Variants in TLN1 observed in about 807,000 individuals in gnomAD.
The protein encoded by TLN1 is talin-1.
A neutral mutation model predicts 292.3 loss-of-function variants in TLN1; 56 were observed. The ratio of observed to expected loss-of-function variants is 0.19; its 90% CI spans 0.15 to 0.24. The LOEUF (loss-of-function observed/expected upper bound fraction) is 0.24, where lower values mean the gene tolerates loss of function less well. TLN1 is among the 10% of genes least tolerant of loss of function. The probability of loss-of-function intolerance (pLI) is 1.00; values close to 1 mark genes in which losing one functional copy is unlikely to be tolerated. For missense variants in TLN1, 2,433 were observed against 3,248.2 expected, an observed-to-expected ratio of 0.75 and a Z score of 6.10; for synonymous variants, 1,119 against 1,253.7, an observed-to-expected ratio of 0.89 and a Z score of 2.27.
In TLN1 at chr9:35,724,627, C is replaced by T. The variant is rs752491649; in HGVS notation, c.456G>A (p.Leu152=). Residue 152 remains leucine, a synonymous_variant, in exon 5 of 57, where the codon CTG becomes CTA. Transcript: ENST00000314888. This position sits in a 1 kb window ranked among gnomAD's most constrained non-coding sequence, Gnocchi z 4.7. ...GTTTCTCCATCTTCTTTTCATCTCG[C>T]AGCAATGTCTTGTCCTTTCTTAAGG... ...TGTLRKDKTL[L]RDEKKMEKLK... 1 of 1,614,204 alleles carries T rather than the reference C, an allele frequency of 6.2e-7. No homozygotes were observed. Among genetic ancestry groups the T allele is most frequent in the South Asian group, 1.1e-5 (1 of 91,074 alleles).
At chr9:35,709,296 AAAAC>A (rs969004847) in intron 33 of TLN1, among the ~76,000 whole-genome samples, 3 of 152,100 alleles carry the variant, frequency 2.0e-5, no homozygotes, top group Non-Finnish European at 2.9e-5. Context: ...TCCGTCTCAA[AAAAC>A]AAACAAACAA....
chr9:35,710,008 G>A (rs1302954145), intron 33 of TLN1, among the ~76,000 whole-genome samples: 3 of 144,448 alleles, frequency 2.1e-5, no homozygotes, highest in South Asian at 4.4e-4. Flanking sequence ...TCAGGATATC[G>A]AGACCATCCT....
In TLN1 at chr9:35,706,884, G is replaced by T. The variant is rs879215147; in HGVS notation, c.4972C>A (p.Gln1658Lys). The T allele has an allele frequency of 1.9e-6, 3 of 1,613,940 alleles. No individual in the cohort carries two copies. The highest frequency in any genetic ancestry group is 2.2e-5 in the South Asian group (2 of 91,080). Reference protein sequence around the residue: ...ITSMRDKAPGQLECETAIAAL... With the variant: ...ITSMRDKAPGKLECETAIAAL... ...GCAATGGCCGTTTCACACTCCAGCT[G>T]CCCTGGAGCCTTGTCCCTGCAGACA... is the stretch of plus-strand genomic sequence containing the variant. Residue 1658 changes from glutamine to lysine, a missense_variant, in exon 38 of 57, where the codon CAG becomes AAG. Physicochemically the swap from Gln to Lys is moderately conservative, Grantham distance 53. Around this residue, in one of 7 missense-constraint regions of TLN1, gnomAD observed 1,384 missense variants for 1,699.6 expected, o/e 0.81. Transcript: ENST00000314888. This position sits in a 1 kb window ranked among gnomAD's most constrained non-coding sequence, Gnocchi z 4.2.
At position 35,717,383 on chromosome 9, in the gene TLN1, G is replaced by A. The variant is rs1825805750; in HGVS notation, c.2221C>T (p.Arg741Ter). 1 of 1,614,174 alleles carries A rather than the reference G, an allele frequency of 6.2e-7. No homozygotes were observed. Among genetic ancestry groups the A allele is most frequent in the Non-Finnish European group, 8.5e-7 (1 of 1,180,034 alleles). The change falls in exon 19 of 57, where the codon CGA becomes TGA. Residue 741 changes from arginine (R) to a stop codon, truncating the protein, a stop_gained. Coordinates refer to ENST00000314888, the MANE Select transcript of TLN1 (RefSeq NM_006289.4). LOFTEE classifies it high-confidence loss of function. The surrounding 1 kb of genome is among the most constrained non-coding windows in gnomAD (Gnocchi z 4.7). ...VCQEQLVEAG[R>*]LVAKAVEGCV... ...CCCTCCACGGCTTTGGCTACCAGTC[G>A]TCCAGCCTCCACCAGTTGCTCTTGG... is the stretch of plus-strand genomic sequence containing the variant.
In TLN1 at chr9:35,700,036, C is replaced by G; in HGVS notation, c.6706G>C (p.Ala2236Pro). ...GCACACTCCCGGCCATAGTGCAGGGCTCGAAGCCGCACATCAGGGGCCACT... is the reference window on the plus strand; with the variant it reads ...GCACACTCCCGGCCATAGTGCAGGGGTCGAAGCCGCACATCAGGGGCCACT... ...PEVAPDVRLR[A>P]LHYGRECANG... The change falls in exon 50 of 57, where the codon GCC becomes CCC. Residue 2236 changes from alanine (A) to proline (P), a missense_variant. Coordinates refer to ENST00000314888, the MANE Select transcript of TLN1 (RefSeq NM_006289.4). 6.2e-7 allele frequency: 1 copy of G among 1,613,518 alleles called. No homozygotes were observed. Among genetic ancestry groups the G allele is most frequent in the Non-Finnish European group, 8.5e-7 (1 of 1,179,642 alleles).
At position 35,716,370 on chromosome 9, in the gene TLN1, G is replaced by T; in HGVS notation, c.2625+20C>A. On this transcript the variant is annotated intron_variant, in intron 20 of 56. Transcript: ENST00000314888. ...TCCCTCTAGGGTCCAGTCTGGGAGT[G>T]TGCACAGAAGGCTTTGTACCTTGGC... is the stretch of plus-strand genomic sequence containing the variant. The T allele has an allele frequency of 2.5e-6, 4 of 1,613,868 alleles. No homozygotes were observed. Among genetic ancestry groups the T allele is most frequent in the South Asian group, 2.2e-5 (2 of 91,058 alleles).
At chr9:35,711,136 C>T (rs1278000603) in intron 30 of TLN1, 54 bp from the exon 31 acceptor site, 1 of 1,610,816 alleles carries the variant, frequency 6.2e-7, no homozygotes, top group African/African-American at 1.3e-5. Context: ...ATTCCTGGGT[C>T]CTATGTAAGT....
At chr9:35,726,666 T>C (rs965879971) in intron 1 of TLN1, among the ~76,000 whole-genome samples, 10 of 152,256 alleles carry the variant, frequency 6.6e-5, no homozygotes, top group Non-Finnish European at 1.3e-4. Context: ...AGCTTTTTTC[T>C]AACCTGAGAT....
chr9:35,720,139 G>A lies in TLN1; in HGVS notation c.1364C>T (p.Ser455Phe). 6.2e-7 allele frequency: 1 copy of A among 1,612,898 alleles called. No individual in the cohort carries two copies. Among genetic ancestry groups the A allele is most frequent in the Non-Finnish European group, 8.5e-7 (1 of 1,179,508 alleles). Residue 455 changes from serine (S) to phenylalanine (F), a missense_variant, in exon 13 of 57, where the codon TCT becomes TTT. Ser to Phe is a radical substitution (Grantham distance 155). Transcript: ENST00000314888. The stretch of plus-strand genomic sequence containing the variant: ...GAAATTCTCAGGACCAGAGGCTCCA[G>A]AGCGCATGATGGCAGGCAGGGCCAC... ...GSVALPAIMR[S>F]GASGPENFQV... is the part of the protein sequence containing the mutation.
Position 35,707,374 on chromosome 9 carries a change from T to C in TLN1, c.4747A>G (p.Ser1583Gly). Residue 1583 changes from serine to glycine, a missense_variant, in exon 36 of 57, where the codon AGC becomes GGC. By Grantham distance (56) the Ser-to-Gly change is moderately conservative. This residue lies in a region of TLN1 where 1,384 missense variants were observed against 1,699.6 expected (regional missense o/e 0.81). Transcript: ENST00000314888. The surrounding 1 kb of genome is among the most constrained non-coding windows in gnomAD (Gnocchi z 5.6). ...SAFASNPEFSSIPAQISPEGR... is the reference protein window; with the variant it reads ...SAFASNPEFSGIPAQISPEGR... ...TCAGGGCTGATCTGGGCAGGAATGC[T>C]GGAGAACTCAGGGTTGGACGCAAAG... The C allele has an allele frequency of 6.2e-7, 1 of 1,614,160 alleles. No individual in the cohort carries two copies. The highest frequency in any genetic ancestry group is 1.1e-5 in the South Asian group (1 of 91,084).
Position 35,716,497 on chromosome 9 carries a change from T to C in TLN1, c.2518A>G (p.Ile840Val). Residue 840 changes from isoleucine (I) to valine (V), a missense_variant, in exon 20 of 57, where the codon ATC (isoleucine) becomes GTC (valine). By Grantham distance (29) the Ile-to-Val change is conservative. Coordinates refer to ENST00000314888, the MANE Select transcript of TLN1 (RefSeq NM_006289.4). ...CTTTCCCCCTCAGCATCAGCCTTGA[T>C]GGCATTGACCAGGTCAGATGTGGCT... Reference protein sequence around the residue: ...AQATSDLVNAIKADAEGESDL... With the variant: ...AQATSDLVNAVKADAEGESDL... The C allele has an allele frequency of 1.2e-6, 2 of 1,614,228 alleles. No individual in the cohort carries two copies. Among genetic ancestry groups the C allele is most frequent in the Non-Finnish European group, 1.7e-6 (2 of 1,180,046 alleles).
Position 35,707,384 on chromosome 9 carries a change from A to G in TLN1, c.4737T>C (p.Pro1579=). The G allele has an allele frequency of 6.2e-7, 1 of 1,614,126 alleles. No individual in the cohort carries two copies. Among genetic ancestry groups the G allele is most frequent in the Non-Finnish European group, 8.5e-7 (1 of 1,180,030 alleles). ...VDNLSAFASN[P]EFSSIPAQIS... The stretch of plus-strand genomic sequence containing the variant: ...TCTGGGCAGGAATGCTGGAGAACTC[A>G]GGGTTGGACGCAAAGGCACTCAGAT... The change falls in exon 36 of 57, where the codon CCT becomes CCC. Residue 1579 remains proline (P), a synonymous_variant. Transcript: ENST00000314888. This position sits in a 1 kb window ranked among gnomAD's most constrained non-coding sequence, Gnocchi z 5.6.
chr9:35,715,478 T>A (rs1206417860), intron 20 of TLN1, among the ~76,000 whole-genome samples: 1 of 152,236 alleles, frequency 6.6e-6, no homozygotes, highest in Non-Finnish European at 1.5e-5. Context: ...TAGGGCTTCC[T>A]GGACAAAGGA....
Position 35,697,727 on chromosome 9 carries a change from G to A in TLN1, c.*64C>T, listed in dbSNP as rs1825391426. 2.5e-6 allele frequency: 4 copies of A among 1,591,630 alleles called. No individual in the cohort carries two copies. The South Asian group carries it at 4.5e-5, about 18-fold the overall frequency. ...GGGCAGGTTGGGCCCCGACAGCCCA[G>A]AAGGCTTTGGTAGTGGCACGCACAG... is the stretch of plus-strand genomic sequence containing the variant. On this transcript the variant is annotated 3_prime_UTR_variant, in exon 57 of 57. Coordinates refer to ENST00000314888, the MANE Select transcript of TLN1 (RefSeq NM_006289.4).
At chr9:35,716,610 G>GGGTGGGGACAAA in intron 19 of TLN1, 54 bp from the exon 20 acceptor site, 2 of 1,590,208 alleles carry the variant, frequency 1.3e-6, no homozygotes, top group Non-Finnish European at 1.7e-6. Flanking sequence ...GAGGTGTCAG[G>GGGTGGGGACAAA]GGTGGGGACA....
At position 35,707,660 on chromosome 9, in the gene TLN1, G is replaced by C; in HGVS notation, c.4632+71C>G. 6.2e-7 allele frequency: 1 copy of C among 1,604,842 alleles called. No individual in the cohort carries two copies. Among genetic ancestry groups the C allele is most frequent in the Admixed American group, 1.7e-5 (1 of 59,812 alleles). On this transcript the variant is annotated intron_variant, in intron 35 of 56. Coordinates refer to ENST00000314888, the MANE Select transcript of TLN1 (RefSeq NM_006289.4). This position sits in a 1 kb window ranked among gnomAD's most constrained non-coding sequence, Gnocchi z 5.6. ...AGGGGATTTGGTAGAAGGCTTCAGAGAATAACTGGGGGACTCGGGGGAGAA... is the reference window on the plus strand; with the variant it reads ...AGGGGATTTGGTAGAAGGCTTCAGACAATAACTGGGGGACTCGGGGGAGAA...
Position 35,697,646 on chromosome 9 carries a change from G to A in TLN1, c.*145C>T, listed in dbSNP as rs912915155. On this transcript the variant is annotated 3_prime_UTR_variant, in exon 57 of 57. Transcript: ENST00000314888. The stretch of plus-strand genomic sequence containing the variant: ...GGAGGGGACAGGGGATGTACTGCGG[G>A]ACTGGGCGGGGCCAGGCCCTGGGGT... 1.9e-5 allele frequency: 23 copies of A among 1,240,122 alleles called. No homozygotes were observed. Among genetic ancestry groups the A allele is most frequent in the Admixed American group, 6.8e-5 (3 of 44,164 alleles). The allele number at this position is 1,240,122 out of a possible 1,614,324, so 76.8% of individuals were successfully genotyped here. A position where few individuals can be genotyped will look rare whatever the true frequency, so the allele number is the denominator to read the frequency against.
Position 35,706,940 on chromosome 9 carries a change from C to T in TLN1, c.4956-40G>A, listed in dbSNP as rs1390460671. 6.2e-7 allele frequency: 1 copy of T among 1,611,364 alleles called. No homozygotes were observed. Among genetic ancestry groups the T allele is most frequent in the Admixed American group, 1.7e-5 (1 of 59,516 alleles). On this transcript the variant is annotated intron_variant, in intron 37 of 56. Transcript: ENST00000314888. This position sits in a 1 kb window ranked among gnomAD's most constrained non-coding sequence, Gnocchi z 4.2. ...TGGGCTCCAACACCAAGAACATCCC[C>T]TACTGCAAGGCCAGCCTATCCTTCC...
Position 35,720,137 on chromosome 9 carries a change from C to T in TLN1, c.1366G>A (p.Gly456Arg). The T allele has an allele frequency of 2.5e-6, 4 of 1,612,866 alleles. No homozygotes were observed. Among genetic ancestry groups the T allele is most frequent in the Non-Finnish European group, 3.4e-6 (4 of 1,179,492 alleles). The stretch of plus-strand genomic sequence containing the variant: ...TGGAAATTCTCAGGACCAGAGGCTC[C>T]AGAGCGCATGATGGCAGGCAGGGCC... ...SVALPAIMRS[G>R]ASGPENFQVG... Residue 456 changes from glycine to arginine, a missense_variant, in exon 13 of 57, where the codon GGA (glycine) becomes AGA (arginine). Gly to Arg is a moderately radical substitution (Grantham distance 125). Around this residue, in one of 7 missense-constraint regions of TLN1, gnomAD observed 617 missense variants for 770.6 expected, o/e 0.80. Transcript: ENST00000314888.
Sources: gnomAD v4.1 joint callset for allele counts (sites outside exome capture counted in the v4.1 genomes callset) on GRCh38, gnomAD v4.1.1 for gene constraint, gnomAD v4.1.1 regional missense constraint, Gnocchi (gnomAD v3.1) non-coding constraint, MANE v1.5 for transcripts, NCBI Gene and HGNC (gene_info 2026-07-23, HGNC 2026-07-21) for gene names.